The following NFAT5 variants were observed in gnomAD, a reference collection of about 807,000 sequenced individuals.
NFAT5 encodes the protein nuclear factor of activated T-cells 5.
In NFAT5, 31 loss-of-function variants were observed where a neutral mutation model predicts 166.5. The ratio of observed to expected loss-of-function variants is 0.19; its 90% confidence interval spans 0.14 to 0.25. The LOEUF (loss-of-function observed/expected upper bound fraction) is 0.25, where lower values mean the gene tolerates loss of function less well. Ranked by LOEUF, NFAT5 falls within the 10% of genes least tolerant of loss-of-function variation. NFAT5 has a pLI of 1.00. For synonymous variants in NFAT5, 612 were observed against 639.7 expected, an observed-to-expected ratio of 0.96 and a Z score of 0.65; for missense variants, 1,449 against 1,821.8, an observed-to-expected ratio of 0.80 and a Z score of 3.72.
At position 69,637,827 on chromosome 16, in the gene NFAT5, G is replaced by A. The variant is rs114224380; in HGVS notation, c.254-9201G>A. Among the ~76,000 whole-genome samples, 1,339 of 152,256 alleles carry A rather than the reference G, an allele frequency of 8.8e-3. 19 individuals carry two copies. Among genetic ancestry groups the A allele is most frequent in the African/African-American group, 0.031 (1,278 of 41,548 alleles). On this transcript the variant is annotated intron_variant, in intron 3 of 14. Transcript: ENST00000349945. ...GGATGATGAAATCATAGGAAAGACCGACAGTTTCTGAAGGACTAATTCTAT... is the reference window on the plus strand; with the variant it reads ...GGATGATGAAATCATAGGAAAGACCAACAGTTTCTGAAGGACTAATTCTAT...
intron 2 of NFAT5, among the ~76,000 whole-genome samples, chr16:69,587,675 C>T (rs1015364132): frequency 2.0e-5 from 3 of 152,238 alleles, no homozygotes; most frequent in Admixed American, 1.3e-4. Flanking sequence ...AGGCATGAGC[C>T]ACTGTGCCCA....
Position 69,692,533 on chromosome 16 carries a change from A to G in NFAT5, c.2708A>G (p.Gln903Arg), listed in dbSNP as rs1597571301. The change falls in exon 13 of 15, where the codon CAG becomes CGG. Residue 903 changes from glutamine to arginine, a missense_variant. Gln to Arg is a conservative substitution (Grantham distance 43). Transcript: ENST00000349945. ...TLSNQQQQQQ[Q>R]QQQVMESSAA... Reference sequence around the variant, plus strand: ...TCTAATCAACAGCAGCAGCAGCAGCAGCAACAGCAAGTGATGGAATCTTCA... The same window carrying G: ...TCTAATCAACAGCAGCAGCAGCAGCGGCAACAGCAAGTGATGGAATCTTCA... 13 of 1,614,218 alleles carry G rather than the reference A, an allele frequency of 8.1e-6. No individual in the cohort carries two copies. Among genetic ancestry groups the G allele is most frequent in the African/African-American group, 1.3e-5 (1 of 75,064 alleles).
chr16:69,646,202 T>C (rs2035432262), intron 3 of NFAT5, among the ~76,000 whole-genome samples: 1 of 152,212 alleles, frequency 6.6e-6, no homozygotes, highest in African/African-American at 2.4e-5. Flanking sequence ...ATCCATCCAT[T>C]AATCAGTTCT....
chr16:69,568,340 A>ATGTGTGTGTGTGTGTGTGTGTG (rs1289905200), intron 1 of NFAT5, among the ~76,000 whole-genome samples, 155 bp from the exon 2 acceptor site: 1 of 38,486 alleles, frequency 2.6e-5, no homozygotes, highest in Non-Finnish European at 4.8e-5. Context: ...GTGTGTATAT[A>ATGTGTGTGTGTGTGTGTGTGTG]TATATATGTG....
chr16:69,669,016 C>T (rs745944731), intron 7 of NFAT5, among the ~76,000 whole-genome samples: 2 of 152,070 alleles, frequency 1.3e-5, no homozygotes, highest in Non-Finnish European at 2.9e-5. Flanking sequence ...ACTCCAGCCT[C>T]CTAAGTAGCT....
intron 7 of NFAT5, among the ~76,000 whole-genome samples, chr16:69,664,580 C>T (rs895117538): frequency 5.3e-5 from 8 of 152,150 alleles, no homozygotes; most frequent in East Asian, 1.9e-4. Flanking sequence ...CCACCGCACC[C>T]GGCCTCAACT....
Position 69,692,410 on chromosome 16 carries a change from G to A in NFAT5, c.2585G>A (p.Gly862Glu). ...CAAATTCAGAGTGGTGTAAGCCCTG[G>A]AATGTTTTCCTCAACAGAGCCAACA... ...VSQIQSGVSP[G>E]MFSSTEPTVH... Residue 862 changes from glycine (G) to glutamate (E), a missense_variant, in exon 13 of 15, where the codon GGA becomes GAA. Around this residue, in one of 7 missense-constraint regions of NFAT5, gnomAD observed 891 missense variants for 993.0 expected, o/e 0.90. Transcript: ENST00000349945. The A allele has an allele frequency of 6.2e-7, 1 of 1,614,178 alleles. No individual in the cohort carries two copies. Among genetic ancestry groups the A allele is most frequent in the Non-Finnish European group, 8.5e-7 (1 of 1,180,014 alleles).
chr16:69,595,034 C>T (rs1293291890), intron 2 of NFAT5, among the ~76,000 whole-genome samples: 2 of 152,052 alleles, frequency 1.3e-5, no homozygotes, highest in Admixed American at 6.6e-5. Flanking sequence ...TAGATTGTAC[C>T]CACTCAGATT....
chr16:69,642,162 G>A (rs914832327), intron 3 of NFAT5, among the ~76,000 whole-genome samples: 5 of 152,132 alleles, frequency 3.3e-5, no homozygotes, highest in Admixed American at 6.5e-5. Context: ...TTATTAAATT[G>A]CAGATTCTGG....
chr16:69,698,570 A>G lies in NFAT5; in HGVS notation c.*2219A>G, dbSNP rs1263661637. 2 of 152,412 alleles carry G rather than the reference A, an allele frequency of 1.3e-5. No homozygotes were observed. Among genetic ancestry groups the G allele is most frequent in the Non-Finnish European group, 2.9e-5 (2 of 68,004 alleles). 9.4% of individuals were successfully genotyped at this position (152,412 alleles called of 1,614,324 possible). A position where few individuals can be genotyped will look rare whatever the true frequency, so the allele number is the denominator to read the frequency against. On this transcript the variant is annotated 3_prime_UTR_variant, in exon 15 of 15. Coordinates refer to ENST00000349945, the MANE Select transcript of NFAT5 (RefSeq NM_138713.4). ...ACAAATGACCTGTTCATCTGTGGCC[A>G]TTCCATCAGGCAGTTAGTTCCTTGA...
intron 9 of NFAT5, among the ~76,000 whole-genome samples, chr16:69,670,553 T>C (rs1193347841): frequency 6.6e-6 from 1 of 152,232 alleles, no homozygotes; most frequent in African/African-American, 2.4e-5. Flanking sequence ...CTGATACTTA[T>C]TTTCTCTGAG....
rs2037904699 is a variant in NFAT5, at chr16:69,701,933, C to G, written c.*5582C>G. On this transcript the variant is annotated 3_prime_UTR_variant, in exon 15 of 15. Transcript: ENST00000349945. ...GACTCCCTCCAGACCTAAGATAATT[C>G]CTTTTGATCAGATACAGTCAGATGG... 6.6e-6 allele frequency: 1 copy of G among 152,244 alleles called. No homozygotes were observed. The highest frequency in any genetic ancestry group is 2.1e-4 in the South Asian group (1 of 4,816). 9.4% of individuals were successfully genotyped at this position (152,244 alleles called of 1,614,324 possible). A position where few individuals can be genotyped will look rare whatever the true frequency, so the allele number is the denominator to read the frequency against.
intron 2 of NFAT5, among the ~76,000 whole-genome samples, chr16:69,616,746 C>T (rs970530441): frequency 1.3e-5 from 2 of 151,836 alleles, no homozygotes; most frequent in African/African-American, 4.8e-5. Context: ...TCATGTTGCT[C>T]AGACTCTGCA....
rs1455259492 is a variant in NFAT5, at chr16:69,670,050, G to A, written c.1443G>A (p.Val481=). ...GTTCAGTGAAAGGAGAAGAAGAAGTGTTTTTAATCGGCAAGAACTTTCTGA... is the reference window on the plus strand; with the variant it reads ...GTTCAGTGAAAGGAGAAGAAGAAGTATTTTTAATCGGCAAGAACTTTCTGA... ...HSCSVKGEEE[V]FLIGKNFLKG... The change falls in exon 8 of 15, where the codon GTG becomes GTA. Residue 481 remains valine (V), a synonymous_variant. Coordinates refer to ENST00000349945, the MANE Select transcript of NFAT5 (RefSeq NM_138713.4). 6.2e-7 allele frequency: 1 copy of A among 1,612,764 alleles called. No homozygotes were observed. Among genetic ancestry groups the A allele is most frequent in the South Asian group, 1.1e-5 (1 of 90,746 alleles).
intron 2 of NFAT5, among the ~76,000 whole-genome samples, chr16:69,601,190 C>T (rs1202432163): frequency 1.3e-5 from 2 of 152,038 alleles, no homozygotes; most frequent in African/African-American, 4.8e-5. Flanking sequence ...CCTGCCATAT[C>T]TAGATATGAC....
At chr16:69,583,406 G>A (rs1171843535) in intron 2 of NFAT5, among the ~76,000 whole-genome samples, 1 of 151,936 alleles carries the variant, frequency 6.6e-6, no homozygotes, top group East Asian at 1.9e-4. Flanking sequence ...TGTAGGGATG[G>A]ATTCTTCTCT....
chr16:69,681,835 A>C (rs1450604226), intron 10 of NFAT5, among the ~76,000 whole-genome samples: 1 of 151,320 alleles, frequency 6.6e-6, no homozygotes, highest in Admixed American at 6.6e-5. Flanking sequence ...GGAGAATGGC[A>C]TGAACCCGGG....
intron 3 of NFAT5, among the ~76,000 whole-genome samples, chr16:69,630,191 T>A (rs1051089379): frequency 6.6e-6 from 1 of 151,948 alleles, no homozygotes; most frequent in African/African-American, 2.4e-5. Context: ...CCTGGCTGAT[T>A]TTTGTGTTTT....
At chr16:69,681,470 C>T (rs1293290420) in intron 10 of NFAT5, among the ~76,000 whole-genome samples, 5 of 152,174 alleles carry the variant, frequency 3.3e-5, no homozygotes, top group Non-Finnish European at 5.9e-5. Context: ...CTAAGCTGGG[C>T]TATGGTAGCA....
Sources: gnomAD v4.1 joint callset for allele counts (sites outside exome capture counted in the v4.1 genomes callset) on GRCh38, gnomAD v4.1.1 for gene constraint, gnomAD v4.1.1 regional missense constraint, MANE v1.5 for transcripts, NCBI Gene and HGNC (gene_info 2026-07-23, HGNC 2026-07-21) for gene names.